Variants in MAGED2 observed in about 807,000 individuals in gnomAD.
The protein encoded by MAGED2 is MAGE family member D2.
A neutral mutation model predicts 41.7 loss-of-function variants in MAGED2; 6 were observed. That is an observed-to-expected ratio of 0.14 (90% CI 0.08 to 0.28). The LOEUF (loss-of-function observed/expected upper bound fraction) is 0.28, where lower values mean the gene tolerates loss of function less well. Among genes scored for constraint, MAGED2 ranks in the 10% least tolerant of loss-of-function variants. The pLI is 1.00. For synonymous variants in MAGED2, 146 were observed against 178.2 expected (o/e 0.82, Z 1.44); for missense variants, 343 against 486.4 (o/e 0.71, Z 2.77).
intron 11 of MAGED2, among the ~76,000 whole-genome samples, 196 bp from the exon 12 acceptor site, chrX:54,815,052 T>C (rs1323868095): frequency 8.9e-6 from 1 of 112,173 alleles, no homozygotes; most frequent in African/African-American, 3.2e-5. Flanking sequence ...AGGGATGGAA[T>C]ATTAGGTGCA....
intron 1 of MAGED2, chrX:54,809,004 C>A (rs1053833429): frequency 5.9e-6 from 2 of 336,869 alleles, no homozygotes; most frequent in African/African-American, 5.3e-5. Flanking sequence ...CTGAGAGCGG[C>A]CCTGCAGCCG....
rs372620714 is a variant in MAGED2, at chrX:54,813,113, C to T, written c.1166-5C>T. On this transcript the variant is annotated splice_region_variant and splice_polypyrimidine_tract_variant and intron_variant, in intron 8 of 12. Transcript: ENST00000375068. ...GTCCCTGTCTCCTCTTGCCTCCCCTCGCAGCTGTCATCTGGGAGGTGCTGC... is the reference window on the plus strand; with the variant it reads ...GTCCCTGTCTCCTCTTGCCTCCCCTTGCAGCTGTCATCTGGGAGGTGCTGC... The T allele has an allele frequency of 2.9e-5, 35 of 1,210,413 alleles. No individual in the cohort carries two copies. The highest frequency in any genetic ancestry group is 2.5e-4 in the Middle Eastern group (1 of 3,993).
Position 54,812,159 on chromosome X carries a change from A to G in MAGED2, c.993A>G (p.Val331=). ...CAAGCTGTTCTCCCCATCCACAGGT[A>G]TTTGGGATTCAATTGAAGGAAATTG... ...IERAGYSLEK[V]FGIQLKEIDK... The change falls in exon 7 of 13, where the codon GTA becomes GTG. Residue 331 remains valine (V), a splice_region_variant and synonymous_variant. Coordinates refer to ENST00000375068, the MANE Select transcript of MAGED2 (RefSeq NM_177433.3). 8.7e-7 allele frequency: 1 copy of G among 1,154,488 alleles called. No homozygotes were observed. Among genetic ancestry groups the G allele is most frequent in the Non-Finnish European group, 1.2e-6 (1 of 844,855 alleles).
At chrX:54,808,694 A>G (rs936666977) in intron 1 of MAGED2, among the ~76,000 whole-genome samples, 2 of 109,765 alleles carry the variant, frequency 1.8e-5, no homozygotes, top group African/African-American at 3.3e-5. Flanking sequence ...GGGCGGGGCC[A>G]AGAGACACTG....
At chrX:54,815,724 G>A (rs1222868489) in intron 12 of MAGED2, 34 bp downstream of exon 12, 1 of 978,836 alleles carries the variant, frequency 1.0e-6, no homozygotes, top group Non-Finnish European at 1.4e-6. Flanking sequence ...GACATCTGGG[G>A]CTTATGGGGC....
chrX:54,814,530 A>G (rs370170948), intron 10 of MAGED2, 131 bp from the exon 11 acceptor site: 9 of 561,208 alleles, frequency 1.6e-5, no homozygotes, highest in Non-Finnish European at 2.9e-5. Context: ...GACCAGTGGG[A>G]CAGGGCTCAA....
At chrX:54,813,660 C>A in intron 10 of MAGED2, 110 bp downstream of exon 10, 1 of 635,512 alleles carries the variant, frequency 1.6e-6, no homozygotes, top group Admixed American at 2.6e-5. Flanking sequence ...TATGTATTTG[C>A]ATATTTGCAT....
At chrX:54,810,259 A>C in intron 3 of MAGED2, 46 bp downstream of exon 3, 8 of 806,880 alleles carry the variant, frequency 9.9e-6, no homozygotes, top group East Asian at 3.4e-5. Flanking sequence ...CTCCTCTCTC[A>C]GTTGATTCAT....
Position 54,809,976 on chromosome X carries a change from G to A in MAGED2, c.300G>A (p.Lys100=). The A allele has an allele frequency of 8.3e-7, 1 of 1,205,177 alleles. No individual in the cohort carries two copies. Among genetic ancestry groups the A allele is most frequent in the Non-Finnish European group, 1.1e-6 (1 of 891,814 alleles). Residue 100 remains lysine (K), a synonymous_variant, in exon 3 of 13, where the codon AAG becomes AAA. Coordinates refer to ENST00000375068, the MANE Select transcript of MAGED2 (RefSeq NM_177433.3). ...TDTQVLAAEN[K]SLAADTKKQN... is the part of the protein sequence containing the mutation. ...CCCAGGTTCTGGCAGCTGAAAACAA[G>A]AGTCTAGCAGCTGACACCAAGAAAC...
At chrX:54,809,400 C>T in intron 2 of MAGED2, 24 bp downstream of exon 2, 1 of 1,183,049 alleles carries the variant, frequency 8.5e-7, no homozygotes, top group Non-Finnish European at 1.2e-6. Flanking sequence ...CTGTCCTTTC[C>T]CCAGCTGCTT....
At chrX:54,814,807 C>T in intron 11 of MAGED2, 32 bp downstream of exon 11, 1 of 1,095,954 alleles carries the variant, frequency 9.1e-7, no homozygotes, top group Non-Finnish European at 1.3e-6. Flanking sequence ...CTTGGCAAGT[C>T]AAGAGCATGG....
At chrX:54,814,115 C>T (rs1021822606) in intron 10 of MAGED2, among the ~76,000 whole-genome samples, 3 of 112,262 alleles carry the variant, frequency 2.7e-5, no homozygotes, top group African/African-American at 9.7e-5. Context: ...CTGAGCATGG[C>T]CCACAGCTGG....
chrX:54,814,658 A>G lies in MAGED2; in HGVS notation c.1272-3A>G, dbSNP rs764004812. 4 of 1,163,674 alleles carry G rather than the reference A, an allele frequency of 3.4e-6. No homozygotes were observed. Among genetic ancestry groups the G allele is most frequent in the Non-Finnish European group, 4.7e-6 (4 of 851,575 alleles). On this transcript the variant is annotated splice_region_variant and splice_polypyrimidine_tract_variant and intron_variant, in intron 10 of 12. Coordinates refer to ENST00000375068, the MANE Select transcript of MAGED2 (RefSeq NM_177433.3). ...ATAAAGGCTTTGAACCTCTCTTTCC[A>G]AGGTACCTGGACTATGCCAGAGTCC...
chrX:54,812,085 G>C, intron 6 of MAGED2, 72 bp from the exon 7 acceptor site: 2 of 602,444 alleles, frequency 3.3e-6, no homozygotes, highest in East Asian at 6.6e-5. Flanking sequence ...AAACTCCTAG[G>C]TACATAGGGA....
In MAGED2 at chrX:54,810,014, C is replaced by G; in HGVS notation, c.338C>G (p.Pro113Arg). 8.3e-7 allele frequency: 1 copy of G among 1,206,400 alleles called. No homozygotes were observed. The highest frequency in any genetic ancestry group is 1.1e-6 in the Non-Finnish European group (1 of 892,705). ...AADTKKQNAD[P>R]QAVTMPATET... is the part of the protein sequence containing the mutation. The stretch of plus-strand genomic sequence containing the variant: ...GACACCAAGAAACAGAATGCTGACC[C>G]GCAGGCTGTGACAATGCCTGCCACT... Residue 113 changes from proline (P) to arginine (R), a missense_variant, in exon 3 of 13, where the codon CCG (proline) becomes CGG (arginine). By Grantham distance (103) the Pro-to-Arg change is moderately radical. Transcript: ENST00000375068.
chrX:54,809,680 G>A (rs928228611), intron 2 of MAGED2, 42 bp from the exon 3 acceptor site: 1 of 1,174,762 alleles, frequency 8.5e-7, no homozygotes, highest in East Asian at 3.0e-5. Context: ...CTTAGTTGGG[G>A]GTGAGGAGAA....
intron 1 of MAGED2, 79 bp from the exon 2 acceptor site, chrX:54,809,224 G>T (rs1929720404): frequency 5.3e-6 from 4 of 751,570 alleles, no homozygotes; most frequent in Non-Finnish European, 8.3e-6. Flanking sequence ...CCTACGGAAG[G>T]TGAGGATCAG....
At position 54,815,654 on chromosome X, in the gene MAGED2, C is replaced by A. The variant is rs1416364834; in HGVS notation, c.1793C>A (p.Ser598Tyr). The change falls in exon 12 of 13, where the codon TCT (serine) becomes TAT (tyrosine). Residue 598 changes from serine to tyrosine, a missense_variant. Transcript: ENST00000375068. The stretch of plus-strand genomic sequence containing the variant: ...GCTGGTGCCAGCACCAGTGGCAGCT[C>A]TGGTGCCTGTGGTTTCTCCTACAAG... ...GGAGASTSGS[S>Y]GACGFSYK 8.6e-7 allele frequency: 1 copy of A among 1,164,233 alleles called. No individual in the cohort carries two copies. Among genetic ancestry groups the A allele is most frequent in the Non-Finnish European group, 1.1e-6 (1 of 870,539 alleles).
intron 10 of MAGED2, chrX:54,814,280 A>G (rs1420760239): frequency 8.6e-6 from 3 of 348,420 alleles, no homozygotes; most frequent in South Asian, 2.7e-5. Context: ...GCATGCTGCT[A>G]TTGGCTGTTC....
Sources: gnomAD v4.1 joint callset for allele counts (sites outside exome capture counted in the v4.1 genomes callset) on GRCh38, gnomAD v4.1.1 for gene constraint, MANE v1.5 for transcripts, NCBI Gene and HGNC (gene_info 2026-07-23, HGNC 2026-07-21) for gene names.